CNBD1: variants seen among roughly 807,000 people sequenced by gnomAD.
CNBD1 encodes cyclic nucleotide binding domain containing 1.
In CNBD1, 71 loss-of-function variants were observed where a neutral mutation model predicts 54.4. That is an observed-to-expected ratio of 1.30 (90% CI 1.08 to 1.59). CNBD1 has a LOEUF of 1.59. CNBD1 is among the 40% of genes most tolerant of loss of function. The probability of loss-of-function intolerance (pLI) is 0.00; values close to 1 mark genes in which losing one functional copy is unlikely to be tolerated. For synonymous variants in CNBD1, 182 were observed against 170.7 expected (o/e 1.07, Z -0.51); for missense variants, 659 against 518.0 (o/e 1.27, Z -2.64).
At chr8:87,320,918 A>G (rs140219992) in intron 8 of CNBD1, among the ~76,000 whole-genome samples, 6 of 152,226 alleles carry the variant, frequency 3.9e-5, no homozygotes, top group Admixed American at 2.6e-4. Flanking sequence ...TCTGCTATCA[A>G]TATGGCTATT....
intron 4 of CNBD1, among the ~76,000 whole-genome samples, chr8:87,063,449 G>C (rs559730453): frequency 6.6e-6 from 1 of 152,082 alleles, no homozygotes; most frequent in Non-Finnish European, 1.5e-5. Flanking sequence ...GTATTCAAGT[G>C]TTTAGTTCTG....
At position 87,363,362 on chromosome 8, in the gene CNBD1, C is replaced by T. The variant is rs1166295877; in HGVS notation, c.1303+9576C>T. On this transcript the variant is annotated intron_variant, in intron 10 of 10. Transcript: ENST00000518476. ...ATTTATCATCCTTTGGGTACATACCCAGTAATGGGATTGCTGGGTCAAATG... is the reference window on the plus strand; with the variant it reads ...ATTTATCATCCTTTGGGTACATACCTAGTAATGGGATTGCTGGGTCAAATG... Among the ~76,000 whole-genome samples, 5 of 152,086 alleles carry T rather than the reference C, an allele frequency of 3.3e-5. No individual in the cohort carries two copies. In the South Asian group the frequency reaches 8.3e-4, roughly 25 times the overall value.
intron 4 of CNBD1, among the ~76,000 whole-genome samples, chr8:86,985,200 T>C (rs2130516415): frequency 6.6e-6 from 1 of 152,322 alleles, no homozygotes; most frequent in East Asian, 1.9e-4. Context: ...TCTGCCATGA[T>C]TATGAGGCCT....
At chr8:87,109,348 T>G (rs1256519137) in intron 4 of CNBD1, among the ~76,000 whole-genome samples, 3 of 152,148 alleles carry the variant, frequency 2.0e-5, no homozygotes, top group African/African-American at 7.2e-5. Flanking sequence ...TGGATAATAT[T>G]TTTGTGTGAG....
At chr8:86,953,365 T>C (rs1162012761) in intron 4 of CNBD1, among the ~76,000 whole-genome samples, 1 of 152,236 alleles carries the variant, frequency 6.6e-6, no homozygotes, top group African/African-American at 2.4e-5. Context: ...AATGTCAAAA[T>C]GTCCTATGGT....
intron 4 of CNBD1, among the ~76,000 whole-genome samples, chr8:87,200,990 A>G (rs1813847576): frequency 6.6e-6 from 1 of 152,208 alleles, no homozygotes; most frequent in East Asian, 1.9e-4. Flanking sequence ...ATTGATGCAA[A>G]TATTCTCAAC....
intron 2 of CNBD1, among the ~76,000 whole-genome samples, chr8:86,898,300 AAT>A (rs1346871154): frequency 2.6e-5 from 4 of 152,068 alleles, no homozygotes; most frequent in Non-Finnish European, 5.9e-5. Context: ...TGATGGTCAG[AAT>A]AGTGGTCAAA....
intron 4 of CNBD1, among the ~76,000 whole-genome samples, chr8:86,947,877 T>C (rs1023715471): frequency 6.6e-6 from 1 of 152,068 alleles, no homozygotes; most frequent in Non-Finnish European, 1.5e-5. Flanking sequence ...TTTTGGTATC[T>C]TTTAGCCATC....
At chr8:87,315,000 T>A (rs1809353209) in intron 8 of CNBD1, among the ~76,000 whole-genome samples, 1 of 152,044 alleles carries the variant, frequency 6.6e-6, no homozygotes. Flanking sequence ...TTTTTGGTTG[T>A]TATATTGATT....
chr8:86,893,655 A>G (rs1808805428), intron 2 of CNBD1, among the ~76,000 whole-genome samples: 1 of 151,960 alleles, frequency 6.6e-6, no homozygotes, highest in Non-Finnish European at 1.5e-5. Flanking sequence ...AAACTCCTGG[A>G]AAAAAAAGCA....
chr8:87,072,581 G>T (rs752180677), intron 4 of CNBD1, among the ~76,000 whole-genome samples: 30,955 of 152,058 alleles, frequency 0.2, 3,738 homozygotes, highest in Non-Finnish European at 0.28. Flanking sequence ...AGTTTGGCCA[G>T]ATATGAACTT....
intron 1 of CNBD1, among the ~76,000 whole-genome samples, chr8:86,882,307 A>C (rs540727516): frequency 6.6e-6 from 1 of 152,208 alleles, no homozygotes; most frequent in Non-Finnish European, 1.5e-5. Context: ...AGCATCTATA[A>C]GGAACTTAAA....
intron 4 of CNBD1, among the ~76,000 whole-genome samples, chr8:87,121,496 C>T (rs2130716119): frequency 6.6e-6 from 1 of 151,898 alleles, no homozygotes; most frequent in South Asian, 2.1e-4. Context: ...TATTAGTCAA[C>T]TTGCAAACCT....
At chr8:87,229,084 G>A (rs1814597013) in intron 5 of CNBD1, among the ~76,000 whole-genome samples, 1 of 152,206 alleles carries the variant, frequency 6.6e-6, no homozygotes, top group African/African-American at 2.4e-5. Context: ...TCCTCAGTGA[G>A]GCAATGCCTC....
chr8:87,061,274 A>G (rs1429800188), intron 4 of CNBD1, among the ~76,000 whole-genome samples: 1 of 152,202 alleles, frequency 6.6e-6, no homozygotes, highest in Non-Finnish European at 1.5e-5. Flanking sequence ...TAACTAAATA[A>G]GATTAGTGTC....
At chr8:87,273,590 T>A (rs1808413034) in intron 6 of CNBD1, among the ~76,000 whole-genome samples, 1 of 152,004 alleles carries the variant, frequency 6.6e-6, no homozygotes, top group South Asian at 2.1e-4. Flanking sequence ...GGAGACTTTA[T>A]GTTGTGAGTA....
intron 10 of CNBD1, among the ~76,000 whole-genome samples, chr8:87,358,490 C>T (rs1002925738): frequency 6.6e-6 from 1 of 151,750 alleles, no homozygotes; most frequent in African/African-American, 2.4e-5. Flanking sequence ...ATGATGTTAA[C>T]TGGTGCAAGG....
chr8:86,882,274 C>T (rs893948912), intron 1 of CNBD1, among the ~76,000 whole-genome samples: 1 of 151,970 alleles, frequency 6.6e-6, no homozygotes, highest in Non-Finnish European at 1.5e-5. Flanking sequence ...GCAAACTATG[C>T]ATCTGACAAA....
At chr8:87,373,651 A>T (rs1243854780) in intron 10 of CNBD1, among the ~76,000 whole-genome samples, 2 of 151,836 alleles carry the variant, frequency 1.3e-5, no homozygotes, top group East Asian at 3.9e-4. Flanking sequence ...ATGAAAGAAA[A>T]TTACAATAAA....
Sources: gnomAD v4.1 joint callset for allele counts (sites outside exome capture counted in the v4.1 genomes callset) on GRCh38, gnomAD v4.1.1 for gene constraint, MANE v1.5 for transcripts, NCBI Gene and HGNC (gene_info 2026-07-23, HGNC 2026-07-21) for gene names.